Variants in WDR45B observed in about 807,000 individuals in gnomAD.
WDR45B encodes the protein WD repeat domain phosphoinositide-interacting protein 3.
A neutral mutation model predicts 44.6 loss-of-function variants in WDR45B; 20 were observed. The ratio of observed to expected loss-of-function variants is 0.45; its 90% CI spans 0.32 to 0.65. The LOEUF is 0.65. Ranked by LOEUF, WDR45B falls within the 30% of genes least tolerant of loss-of-function variation. WDR45B has a pLI of 0.05. For synonymous variants in WDR45B, 169 were observed against 164.9 expected (o/e 1.02, Z -0.19); for missense variants, 323 against 430.2 (o/e 0.75, Z 2.20).
chr17:82,621,484 G>A (rs1003895370), intron 6 of WDR45B, 125 bp downstream of exon 6: 1 of 1,246,760 alleles, frequency 8.0e-7, no homozygotes, highest in Non-Finnish European at 1.2e-6. Flanking sequence ...AGGTCCACAG[G>A]CCCCTGAGGG....
At position 82,615,802 on chromosome 17, in the gene WDR45B, C is replaced by T. The variant is rs554853620; in HGVS notation, c.*117G>A. The T allele has an allele frequency of 4.7e-5, 43 of 910,468 alleles. No homozygotes were observed. Among genetic ancestry groups the T allele is most frequent in the Non-Finnish European group, 6.0e-5 (33 of 553,236 alleles). The allele number at this position is 910,468 out of a possible 1,614,324, so 56.4% of individuals were successfully genotyped here. A position where few individuals can be genotyped will look rare whatever the true frequency, so the allele number is the denominator to read the frequency against. Reference sequence around the variant, plus strand: ...CAGACAACCACGTATGGCTTCGAGACCAAGGTCCCTGGGCAGCCCCTCCAG... The same window carrying T: ...CAGACAACCACGTATGGCTTCGAGATCAAGGTCCCTGGGCAGCCCCTCCAG... On this transcript the variant is annotated 3_prime_UTR_variant, in exon 10 of 10. Coordinates refer to ENST00000392325, the MANE Select transcript of WDR45B (RefSeq NM_019613.4).
chr17:82,646,163 G>GAAA (rs374420560), intron 1 of WDR45B, among the ~76,000 whole-genome samples: 2 of 147,662 alleles, frequency 1.4e-5, no homozygotes, highest in African/African-American at 5.0e-5. Context: ...CAACAATACG[G>GAAA]AAAAAAAAAA....
At chr17:82,625,058 G>C (rs966329592) in intron 5 of WDR45B, among the ~76,000 whole-genome samples, 1 of 152,206 alleles carries the variant, frequency 6.6e-6, no homozygotes, top group South Asian at 2.1e-4. Context: ...CAATTCAGAA[G>C]ACAAGGGAAG....
In WDR45B at chr17:82,630,925, G is replaced by A. The variant is rs1183075649; in HGVS notation, c.240C>T (p.Asn80=). The change falls in exon 3 of 10, where the codon AAC becomes AAT. Residue 80 remains asparagine (N), a synonymous_variant. Coordinates refer to ENST00000392325, the MANE Select transcript of WDR45B (RefSeq NM_019613.4). ...GGGKKPKYPP[N]KVMIWDDLKK... ...TTCAATACACAATTACAGTACCTTT[G>A]TTGGGAGGGTATTTCGGCTTTTTTC... is the stretch of plus-strand genomic sequence containing the variant. 2 of 1,612,126 alleles carry A rather than the reference G, an allele frequency of 1.2e-6. No homozygotes were observed. Among genetic ancestry groups the A allele is most frequent in the Admixed American group, 1.7e-5 (1 of 60,022 alleles).
intron 6 of WDR45B, 74 bp downstream of exon 6, chr17:82,621,535 T>A: frequency 6.2e-7 from 1 of 1,600,742 alleles, no homozygotes; most frequent in Non-Finnish European, 8.5e-7. Context: ...TGAGTCTTGA[T>A]ACAGGGAATG....
chr17:82,616,831 T>C (rs1208037560), intron 8 of WDR45B, among the ~76,000 whole-genome samples, 186 bp from the exon 9 acceptor site: 1 of 152,166 alleles, frequency 6.6e-6, no homozygotes, highest in Non-Finnish European at 1.5e-5. Context: ...AAAATTTTTT[T>C]TTTTGAGACG....
chr17:82,648,228 G>A (rs778736874), intron 1 of WDR45B, 46 bp downstream of exon 1: 46 of 1,579,132 alleles, frequency 2.9e-5, no homozygotes, highest in Non-Finnish European at 3.2e-5. Flanking sequence ...ACCCCGGGCT[G>A]CGGGAAGGCC....
chr17:82,622,921 T>C (rs913453101), intron 5 of WDR45B, among the ~76,000 whole-genome samples: 1 of 152,130 alleles, frequency 6.6e-6, no homozygotes, highest in Non-Finnish European at 1.5e-5. Flanking sequence ...GATATCCACA[T>C]AGAACAGAAA....
intron 4 of WDR45B, chr17:82,625,741 G>A (rs2045687792): frequency 2.0e-6 from 1 of 492,742 alleles, no homozygotes; most frequent in Non-Finnish European, 3.7e-6. Flanking sequence ...GAGGTTCAGA[G>A]AGACATCATC....
At chr17:82,642,548 G>A (rs946687895) in intron 2 of WDR45B, among the ~76,000 whole-genome samples, 1 of 152,192 alleles carries the variant, frequency 6.6e-6, no homozygotes, top group Non-Finnish European at 1.5e-5. Flanking sequence ...GGGGGCTGTG[G>A]GAACCCCAAC....
At chr17:82,626,028 G>A (rs182547019) in intron 4 of WDR45B, 44 of 167,514 alleles carry the variant, frequency 2.6e-4, no homozygotes, top group Admixed American at 2.2e-3. Context: ...GATTACAGGC[G>A]TGCACCACCA....
chr17:82,643,974 A>T lies in WDR45B; in HGVS notation c.117T>A (p.Asp39Glu), dbSNP rs749279188. The T allele has an allele frequency of 1.2e-6, 2 of 1,614,114 alleles. No individual in the cohort carries two copies. The highest frequency in any genetic ancestry group is 3.3e-5 in the Admixed American group (2 of 60,016). Residue 39 changes from aspartate to glutamate, a missense_variant, in exon 2 of 10, where the codon GAT becomes GAA. Transcript: ENST00000392325. ...CTTGTTTCTCTTTTTCTTTTAGTGG[A>T]TCAGTGTTATAGACTCGGAATCCAT... ...MENGFRVYNT[D>E]PLKEKEKQEF... is the part of the protein sequence containing the mutation.
At chr17:82,636,260 CAAAA>C (rs71168123) in intron 2 of WDR45B, among the ~76,000 whole-genome samples, 7 of 104,588 alleles carry the variant, frequency 6.7e-5, no homozygotes, top group Non-Finnish European at 9.3e-5. Flanking sequence ...GACTCCGTCT[CAAAA>C]AAAAAAAAAA....
At chr17:82,620,172 G>A (rs2045594398) in intron 6 of WDR45B, among the ~76,000 whole-genome samples, 2 of 152,174 alleles carry the variant, frequency 1.3e-5, no homozygotes, top group Admixed American at 6.5e-5. Flanking sequence ...GGTGGCTCAC[G>A]CCTGTAATCC....
Position 82,621,786 on chromosome 17 carries a change from AAGGACAC to A in WDR45B, c.434_440del (p.Cys145PhefsTer42). On this transcript the variant is annotated frameshift_variant, in exon 6 of 10. Transcript: ENST00000392325. LOFTEE classifies it high-confidence loss of function. ...GGAGGGAGTTGTTACTATTGGGACAAAGGACACAGAGGCCTGCGTGGAGACAGAGGAC... is the reference window on the plus strand; with the variant it reads ...GGAGGGAGTTGTTACTATTGGGACAAAGAGGCCTGCGTGGAGACAGAGGAC... 6.2e-7 allele frequency: 1 copy of A among 1,614,148 alleles called. No individual in the cohort carries two copies. The highest frequency in any genetic ancestry group is 8.5e-7 in the Non-Finnish European group (1 of 1,180,040).
At chr17:82,634,155 A>C (rs2045804945) in intron 2 of WDR45B, among the ~76,000 whole-genome samples, 1 of 139,060 alleles carries the variant, frequency 7.2e-6, no homozygotes, top group Non-Finnish European at 1.5e-5. Context: ...CATCTCAAAA[A>C]AAAAAAAAAA....
In WDR45B at chr17:82,625,479, C is replaced by T. The variant is rs778080517; in HGVS notation, c.337G>A (p.Val113Met). 4 of 1,614,154 alleles carry T rather than the reference C, an allele frequency of 2.5e-6. No individual in the cohort carries two copies. Among genetic ancestry groups the T allele is most frequent in the East Asian group, 2.2e-5 (1 of 44,884 alleles). Residue 113 changes from valine to methionine, a missense_variant, in exon 5 of 10, where the codon GTG becomes ATG. By Grantham distance (21) the Val-to-Met change is conservative. Coordinates refer to ENST00000392325, the MANE Select transcript of WDR45B (RefSeq NM_019613.4). ...KAVKLRRDRI[V>M]VVLDSMIKVF... is the part of the protein sequence containing the mutation. ...TTAATCATGGAGTCCAAAACCACCACAATTCTGGAAAGAAAAACATGATCA... is the reference window on the plus strand; with the variant it reads ...TTAATCATGGAGTCCAAAACCACCATAATTCTGGAAAGAAAAACATGATCA...
chr17:82,622,537 G>T (rs549750485), intron 5 of WDR45B, among the ~76,000 whole-genome samples: 1 of 151,970 alleles, frequency 6.6e-6, no homozygotes, highest in Admixed American at 6.6e-5. Context: ...GGTTCACGCC[G>T]TTCTCCTGCC....
intron 5 of WDR45B, among the ~76,000 whole-genome samples, chr17:82,622,292 C>G (rs572402604): frequency 6.6e-6 from 1 of 152,124 alleles, no homozygotes; most frequent in Non-Finnish European, 1.5e-5. Flanking sequence ...GTCTTGTGAT[C>G]GTGGGCTGGA....
Sources: allele counts gnomAD v4.1 joint callset (sites outside exome capture counted in the v4.1 genomes callset), GRCh38; gene constraint gnomAD v4.1.1; transcripts MANE v1.5; gene names NCBI Gene and HGNC (gene_info 2026-07-23, HGNC 2026-07-21).